The following FBXL13 variants were observed in gnomAD, a reference collection of about 807,000 sequenced individuals.
The protein encoded by FBXL13 is F-box and leucine rich repeat protein 13, also known as F-box and leucine-rich repeat protein 13.
A neutral mutation model predicts 83.6 loss-of-function variants in FBXL13; 67 were observed. The observed-to-expected ratio is 0.80, with a 90% CI of 0.66 to 0.98. FBXL13 has a LOEUF of 0.98. FBXL13 is among the 50% of genes least tolerant of loss of function. The probability of loss-of-function intolerance (pLI) is 0.00; values close to 1 mark genes in which losing one functional copy is unlikely to be tolerated. For missense variants in FBXL13, 822 were observed against 866.5 expected (o/e 0.95, Z 0.64); for synonymous variants, 272 against 299.5 (o/e 0.91, Z 0.95).
intron 6 of FBXL13, among the ~76,000 whole-genome samples, chr7:102,969,851 G>A (rs1244558626): frequency 4.0e-4 from 44 of 109,640 alleles, no homozygotes; most frequent in African/African-American, 1.4e-3. Context: ...GAGGGGAGGG[G>A]AGGGAAAAGA....
At chr7:102,948,306 C>T (rs540715158) in intron 8 of FBXL13, among the ~76,000 whole-genome samples, 5 of 152,164 alleles carry the variant, frequency 3.3e-5, no homozygotes, top group African/African-American at 7.2e-5. Flanking sequence ...TCAAATGATC[C>T]GCCCACCTCA....
At chr7:103,008,643 C>T (rs973536394) in intron 6 of FBXL13, among the ~76,000 whole-genome samples, 2 of 152,070 alleles carry the variant, frequency 1.3e-5, no homozygotes, top group African/African-American at 4.8e-5. Flanking sequence ...CTGCAATCTC[C>T]GCCTCCAGGG....
At chr7:102,837,896 C>G (rs1037290376) in intron 17 of FBXL13, among the ~76,000 whole-genome samples, 4 of 152,240 alleles carry the variant, frequency 2.6e-5, no homozygotes, top group African/African-American at 9.6e-5. Context: ...GTCTTATCTT[C>G]TGCATTGACT....
At chr7:103,012,880 T>C (rs1391107263) in intron 6 of FBXL13, among the ~76,000 whole-genome samples, 4 of 152,226 alleles carry the variant, frequency 2.6e-5, no homozygotes, top group Admixed American at 6.5e-5. Context: ...CCCAATGGTA[T>C]ACTGTCTTAA....
At chr7:103,019,897 A>T (rs1031147170) in intron 6 of FBXL13, among the ~76,000 whole-genome samples, 1 of 152,208 alleles carries the variant, frequency 6.6e-6, no homozygotes, top group African/African-American at 2.4e-5. Context: ...CCAGAGGTAC[A>T]AGGAGGAGCT....
At chr7:102,990,030 T>C (rs1341227129) in intron 6 of FBXL13, among the ~76,000 whole-genome samples, 1 of 152,224 alleles carries the variant, frequency 6.6e-6, no homozygotes, top group Non-Finnish European at 1.5e-5. Context: ...CTGCACATCA[T>C]AAGTAGCACT....
At chr7:102,818,814 A>G (rs1798386783) in intron 19 of FBXL13, among the ~76,000 whole-genome samples, 2 of 152,178 alleles carry the variant, frequency 1.3e-5, no homozygotes, top group Non-Finnish European at 2.9e-5. Flanking sequence ...TTTTAGGTTC[A>G]GGAGTACATG....
In FBXL13 at chr7:102,859,753, A is replaced by T. The variant is rs139315040; in HGVS notation, c.1636-4893T>A. Among the ~76,000 whole-genome samples, 341 of 152,362 alleles carry T rather than the reference A, an allele frequency of 2.2e-3. 2 individuals are homozygous for T. The highest frequency in any genetic ancestry group is 7.8e-3 in the African/African-American group (324 of 41,590). ...ATGGAAATCATCCTTGGTCTCCCTC[A>T]TAAGTCAGCCAAACTCATGAATGCT... On this transcript the variant is annotated intron_variant, in intron 16 of 19. Transcript: ENST00000313221.
At chr7:102,816,572 T>C (rs1425395424) in intron 19 of FBXL13, among the ~76,000 whole-genome samples, 1 of 152,156 alleles carries the variant, frequency 6.6e-6, no homozygotes, top group Non-Finnish European at 1.5e-5. Flanking sequence ...TCTGAGTTCT[T>C]TATCATAGCA....
chr7:103,058,226 G>A (rs1797523586), intron 1 of FBXL13, among the ~76,000 whole-genome samples: 1 of 152,166 alleles, frequency 6.6e-6, no homozygotes, highest in African/African-American at 2.4e-5. Flanking sequence ...TGGCAGAAAG[G>A]TAAGATTTAG....
intron 10 of FBXL13, among the ~76,000 whole-genome samples, chr7:102,918,236 A>G (rs1002120553): frequency 6.6e-6 from 1 of 152,208 alleles, no homozygotes; most frequent in Admixed American, 6.5e-5. Context: ...ATAACTTAGT[A>G]TACTTTTTTA....
At chr7:102,880,873 T>G (rs1452491606) in intron 14 of FBXL13, among the ~76,000 whole-genome samples, 1 of 152,158 alleles carries the variant, frequency 6.6e-6, no homozygotes, top group African/African-American at 2.4e-5. Flanking sequence ...TGAGTCTTGC[T>G]CAGAGCTGAT....
rs778348753 is a variant in FBXL13 at position 102,935,343 on chromosome 7, C to T, written c.725-3410G>A. ...CTTGGCTCACTGCAACCTCCACCTC[C>T]CGGGTTCGAGCACTTCTCCTGCCTC... On this transcript the variant is annotated intron_variant, in intron 8 of 19. Coordinates refer to ENST00000313221, the Ensembl canonical transcript of FBXL13. 2.0e-5 allele frequency among the ~76,000 whole-genome samples: 3 copies of T among 148,988 alleles called. No individual in the cohort carries two copies. In the East Asian group the frequency reaches 6.1e-4, roughly 30 times the overall value.
intron 6 of FBXL13, chr7:102,976,212 G>A (rs552387104): frequency 2.6e-6 from 2 of 756,128 alleles, no homozygotes; most frequent in Admixed American, 1.7e-5. Context: ...TGAGCCAAGG[G>A]TAACCCTGAT....
At chr7:103,012,329 TG>T (rs1791729708) in intron 6 of FBXL13, among the ~76,000 whole-genome samples, 1 of 149,986 alleles carries the variant, frequency 6.7e-6, no homozygotes, top group South Asian at 2.1e-4. Flanking sequence ...GAGCCGAGAT[TG>T]TGCCATTGCA....
At chr7:102,893,391 C>T (rs551915420) in intron 11 of FBXL13, among the ~76,000 whole-genome samples, 5 of 147,478 alleles carry the variant, frequency 3.4e-5, no homozygotes, top group African/African-American at 1.3e-4. Context: ...GTGAAGGAAT[C>T]GAGGCAGAAA....
chr7:102,832,481 T>G lies in FBXL13; in HGVS notation c.1854+359A>C, dbSNP rs899858905. Among the ~76,000 whole-genome samples the G allele has an allele frequency of 5.3e-5, 8 of 152,244 alleles. No homozygotes were observed. In the South Asian group the frequency reaches 8.3e-4, roughly 16 times the overall value. ...TAATAACTTGTAAAACACTTTTAGA[T>G]CTAACCTAACACTCTTAATGCAACA... On this transcript the variant is annotated intron_variant, in intron 18 of 19. Transcript: ENST00000313221.
At chr7:102,916,798 G>C (rs999832324) in intron 10 of FBXL13, among the ~76,000 whole-genome samples, 5 of 150,818 alleles carry the variant, frequency 3.3e-5, no homozygotes, top group African/African-American at 9.8e-5. Flanking sequence ...TTATGGGGGG[G>C]GGTGTGAGTC....
intron 6 of FBXL13, among the ~76,000 whole-genome samples, chr7:102,990,051 T>C (rs1004245654): frequency 3.3e-5 from 5 of 152,236 alleles, no homozygotes; most frequent in Non-Finnish European, 5.9e-5. Flanking sequence ...GGCTTCACAT[T>C]CATCAAGATT....
Sources: gnomAD v4.1 joint callset for allele counts (sites outside exome capture counted in the v4.1 genomes callset) on GRCh38, gnomAD v4.1.1 for gene constraint, MANE v1.5 for transcripts, NCBI Gene and HGNC (gene_info 2026-07-23, HGNC 2026-07-21) for gene names.